MUS81: variants seen among roughly 807,000 people sequenced by gnomAD.
The protein encoded by MUS81 is MUS81 structure-specific endonuclease subunit.
A neutral mutation model predicts 74.2 loss-of-function variants in MUS81; 69 were observed. The ratio of observed to expected loss-of-function variants is 0.93; its 90% CI spans 0.77 to 1.14. MUS81 has a LOEUF of 1.14. Among genes scored for constraint, MUS81 ranks in the 50% most tolerant of loss-of-function variants. The pLI is 0.00. For synonymous variants in MUS81, 303 were observed against 300.6 expected, an observed-to-expected ratio of 1.01 and a Z score of -0.08; for missense variants, 711 against 726.5, an observed-to-expected ratio of 0.98 and a Z score of 0.25.
chr11:65,863,446 G>A lies in MUS81; in HGVS notation c.783G>A (p.Glu261=), dbSNP rs1859690908. The A allele has an allele frequency of 6.2e-7, 1 of 1,614,070 alleles. No homozygotes were observed. The highest frequency in any genetic ancestry group is 1.3e-5 in the African/African-American group (1 of 74,928). Residue 261 remains glutamate (E), a synonymous_variant, in exon 8 of 16, where the codon GAG becomes GAA. Transcript: ENST00000308110. ...SEAGVQQQPL[E]LRPGEYRVLL... is the part of the protein sequence containing the mutation. ...CAGGGGTCCAGCAGCAGCCACTGGA[G>A]CTGAGGCCTGGAGAGTACAGGGTGC...
At chr11:65,863,010 G>T in intron 6 of MUS81, 55 bp from the exon 7 acceptor site, 1 of 1,611,374 alleles carries the variant, frequency 6.2e-7, no homozygotes, top group Non-Finnish European at 8.5e-7. Flanking sequence ...AGGCAGGAAA[G>T]CCTGCCAGGA....
chr11:65,865,446 G>A (rs899061946), intron 14 of MUS81, 123 bp downstream of exon 14: 1 of 1,028,784 alleles, frequency 9.7e-7, no homozygotes, highest in Non-Finnish European at 1.4e-6. Context: ...GAGATAGACA[G>A]ATCCCAGGGT....
In MUS81 at chr11:65,860,657, C is replaced by A; in HGVS notation, c.-97C>A. On this transcript the variant is annotated 5_prime_UTR_variant, in exon 1 of 16. Coordinates refer to ENST00000308110, the MANE Select transcript of MUS81 (RefSeq NM_025128.5). ...CCTGCCCTCGGTCTCCCTCTTCCCC[C>A]GCCCCGCCCTGGGCCAGGTGTTCGA... The A allele has an allele frequency of 6.6e-7, 1 of 1,505,122 alleles. No homozygotes were observed. Among genetic ancestry groups the A allele is most frequent in the Non-Finnish European group, 8.9e-7 (1 of 1,121,764 alleles). The allele number at this position is 1,505,122 out of a possible 1,614,324, so 93.2% of individuals were successfully genotyped here.
At chr11:65,860,245 T>G, upstream of MUS81, 1 of 456,602 alleles carries the variant, frequency 2.2e-6, no homozygotes, top group South Asian at 1.5e-5. Context: ...TCCTGGACTC[T>G]TTTCAAGACC....
rs1565271316 is a variant in MUS81 at position 65,866,418 on chromosome 11, TAAAAG to T, written c.*373_*377del. 1 of 648,300 alleles carries T rather than the reference TAAAAG, an allele frequency of 1.5e-6. No homozygotes were observed. Among genetic ancestry groups the T allele is most frequent in the Non-Finnish European group, 2.7e-6 (1 of 365,244 alleles). 40.2% of individuals were successfully genotyped at this position (648,300 alleles called of 1,614,324 possible). On this transcript the variant is annotated 3_prime_UTR_variant, in exon 16 of 16. Transcript: ENST00000308110. The stretch of plus-strand genomic sequence containing the variant: ...AATAATAAAAATAAATAAAACTTCC[TAAAAG>T]AAAAGATTGAAAACCACTAACAGTC...
At chr11:65,863,766 G>C in intron 9 of MUS81, 38 bp from the exon 10 acceptor site, 1 of 1,614,162 alleles carries the variant, frequency 6.2e-7, no homozygotes, top group Non-Finnish European at 8.5e-7. Flanking sequence ...GGGCCTGGTG[G>C]GTAGGGGATC....
At chr11:65,859,763 A>C (rs906758703), upstream of MUS81, among the ~76,000 whole-genome samples, 15 of 152,080 alleles carry the variant, frequency 9.9e-5, no homozygotes, top group African/African-American at 3.6e-4. Context: ...ACTCAGCTAT[A>C]CGTGTCTTTC....
Position 65,864,488 on chromosome 11 carries a change from C to A in MUS81, c.1060-9C>A, listed in dbSNP as rs373801402. Reference sequence around the variant, plus strand: ...TGACCCTCCCTGTCCACTCTGTACACTTCCCTAGTTCCGGCTGAAGCGCTG... The same window carrying A: ...TGACCCTCCCTGTCCACTCTGTACAATTCCCTAGTTCCGGCTGAAGCGCTG... On this transcript the variant is annotated splice_polypyrimidine_tract_variant and intron_variant, in intron 10 of 15. Coordinates refer to ENST00000308110, the MANE Select transcript of MUS81 (RefSeq NM_025128.5). 6.8e-6 allele frequency: 11 copies of A among 1,612,202 alleles called. No individual in the cohort carries two copies. The highest frequency in any genetic ancestry group is 9.3e-6 in the Non-Finnish European group (11 of 1,178,202).
chr11:65,860,427 TG>T, upstream of MUS81: 1 of 512,966 alleles, frequency 1.9e-6, no homozygotes, highest in Non-Finnish European at 3.7e-6. Context: ...CTCTCGAATC[TG>T]GGGTGACAGG....
chr11:65,864,665 T>C, intron 11 of MUS81, 52 bp downstream of exon 11: 1 of 1,612,748 alleles, frequency 6.2e-7, no homozygotes, highest in South Asian at 1.1e-5. Flanking sequence ...CTGTGGTCCA[T>C]GGTTCATGGT....
Position 65,864,816 on chromosome 11 carries a change from G to T in MUS81, c.1272+1G>T. The T allele has an allele frequency of 6.2e-7, 1 of 1,611,876 alleles. No homozygotes were observed. The highest frequency in any genetic ancestry group is 8.5e-7 in the Non-Finnish European group (1 of 1,179,622). Reference sequence around the variant, plus strand: ...GCGGGGCCTGCAGAGACTCTACCAGGTGAGCAGAGGCCCCTTTCCCAGTGT... The same window carrying T: ...GCGGGGCCTGCAGAGACTCTACCAGTTGAGCAGAGGCCCCTTTCCCAGTGT... On this transcript the variant is annotated splice_donor_variant, in intron 12 of 15. Transcript: ENST00000308110. LOFTEE classifies it high-confidence loss of function.
intron 14 of MUS81, 116 bp downstream of exon 14, chr11:65,865,439 A>G (rs1321654911): frequency 4.6e-6 from 5 of 1,077,724 alleles, no homozygotes; most frequent in African/African-American, 1.6e-5. Context: ...CAGACCAGAG[A>G]TAGACAGATC....
chr11:65,862,492 C>T lies in MUS81; in HGVS notation c.568C>T (p.His190Tyr). 7 of 1,613,808 alleles carry T rather than the reference C, an allele frequency of 4.3e-6. No homozygotes were observed. Among genetic ancestry groups the T allele is most frequent in the Non-Finnish European group, 5.9e-6 (7 of 1,179,956 alleles). ...RPWPALRSLL[H>Y]RNLVLRTHQP... ...CTGGCCAGCCCTCCGCTCCCTCCTT[C>T]ACAGGAACCTGGTCCTCAGGACACA... Residue 190 changes from histidine to tyrosine, a missense_variant, in exon 6 of 16, where the codon CAC becomes TAC. Transcript: ENST00000308110.
chr11:65,866,589 C>T, downstream of MUS81: 1 of 702,898 alleles, frequency 1.4e-6, no homozygotes, highest in African/African-American at 1.7e-5. Flanking sequence ...CCCTGCAAGC[C>T]AGCCAAGTCC....
At position 65,863,698 on chromosome 11, in the gene MUS81, A is replaced by G; in HGVS notation, c.938A>G (p.Gln313Arg). The G allele has an allele frequency of 1.2e-6, 2 of 1,614,026 alleles. No homozygotes were observed. Among genetic ancestry groups the G allele is most frequent in the Non-Finnish European group, 1.7e-6 (2 of 1,179,974 alleles). The part of the protein sequence containing the change: ...LHVGDFVWVA[Q>R]ETNPRDPANP... ...GTTGGAGATTTTGTGTGGGTGGCCC[A>G]GGAGACCAATCCTAGAGACCCAGGT... is the stretch of plus-strand genomic sequence containing the variant. The change falls in exon 9 of 16, where the codon CAG becomes CGG. Residue 313 changes from glutamine to arginine, a missense_variant. Transcript: ENST00000308110.
chr11:65,865,386 A>C, intron 14 of MUS81, 63 bp downstream of exon 14: 1 of 1,500,622 alleles, frequency 6.7e-7, no homozygotes, highest in South Asian at 1.2e-5. Context: ...AATTCACCTT[A>C]ATCCATGCTT....
upstream of MUS81, chr11:65,860,068 T>C: frequency 6.7e-6 from 2 of 296,954 alleles, no homozygotes; most frequent in East Asian, 1.6e-4. Context: ...CGACTTCCTC[T>C]CCACCACACA....
downstream of MUS81, chr11:65,866,566 A>C (rs946661666): frequency 3.1e-5 from 22 of 702,552 alleles, no homozygotes; most frequent in Non-Finnish European, 4.9e-5. Flanking sequence ...TCCAGAGTGG[A>C]GTTTCTTAGG....
chr11:65,861,339 C>A lies in MUS81; in HGVS notation c.266-11C>A. The A allele has an allele frequency of 6.3e-7, 1 of 1,582,606 alleles. No homozygotes were observed. Among genetic ancestry groups the A allele is most frequent in the Admixed American group, 1.8e-5 (1 of 56,338 alleles). ...CGTGGAGTGTGGAGTTAACTCTTTT[C>A]TCTCCCGCAGGTGACCATGCCCCGG... On this transcript the variant is annotated splice_polypyrimidine_tract_variant and intron_variant, in intron 2 of 15. Coordinates refer to ENST00000308110, the MANE Select transcript of MUS81 (RefSeq NM_025128.5).
Sources: allele counts gnomAD v4.1 joint callset (sites outside exome capture counted in the v4.1 genomes callset), GRCh38; gene constraint gnomAD v4.1.1; transcripts MANE v1.5; gene names NCBI Gene and HGNC (gene_info 2026-07-23, HGNC 2026-07-21).